The following EPB41L3 variants were observed in gnomAD, a reference collection of about 807,000 sequenced individuals.
EPB41L3 encodes the protein erythrocyte membrane protein band 4.1 like 3.
A neutral mutation model predicts 127.1 loss-of-function variants in EPB41L3; 57 were observed. That is an observed-to-expected ratio of 0.45 (90% CI 0.36 to 0.56). The LOEUF is 0.56. Ranked by LOEUF, EPB41L3 falls within the 20% of genes least tolerant of loss-of-function variation. The pLI is 0.00. For synonymous variants in EPB41L3, 572 were observed against 549.5 expected, an observed-to-expected ratio of 1.04 and a Z score of -0.57; for missense variants, 1,273 against 1,372.2, an observed-to-expected ratio of 0.93 and a Z score of 1.14.
chr18:5,594,577 T>C (rs528581776), intron 3 of EPB41L3, among the ~76,000 whole-genome samples: 1 of 152,334 alleles, frequency 6.6e-6, no homozygotes, highest in South Asian at 2.1e-4. Flanking sequence ...TCACCCTAAA[T>C]TCCTAAGATT....
At chr18:5,545,291 T>G (rs1285391358), upstream of EPB41L3, among the ~76,000 whole-genome samples, 1 of 151,898 alleles carries the variant, frequency 6.6e-6, no homozygotes, top group Non-Finnish European at 1.5e-5. Flanking sequence ...GGGAAAAAAA[T>G]GGATTCACAA....
At chr18:5,492,881 C>A (rs976444511) in intron 1 of EPB41L3, among the ~76,000 whole-genome samples, 2 of 151,934 alleles carry the variant, frequency 1.3e-5, no homozygotes, top group Non-Finnish European at 2.9e-5. Context: ...TTCAATATCC[C>A]TCTCTCAGGA....
chr18:5,412,485 T>C (rs2076317648), intron 13 of EPB41L3, among the ~76,000 whole-genome samples: 1 of 152,158 alleles, frequency 6.6e-6, no homozygotes, highest in South Asian at 2.1e-4. Context: ...CTCGGCCCCC[T>C]AAAGTATTGG....
At chr18:5,544,553 T>G (rs1398386245), upstream of EPB41L3, among the ~76,000 whole-genome samples, 1 of 152,180 alleles carries the variant, frequency 6.6e-6, no homozygotes, top group African/African-American at 2.4e-5. Flanking sequence ...CCAGTATCTA[T>G]AAAGCTTTCC....
At chr18:5,613,912 G>C (rs1290700929) in intron 2 of EPB41L3, among the ~76,000 whole-genome samples, 1 of 152,102 alleles carries the variant, frequency 6.6e-6, no homozygotes, top group Non-Finnish European at 1.5e-5. Flanking sequence ...TATCAAAAAC[G>C]TTCTCAGTTG....
intron 3 of EPB41L3, among the ~76,000 whole-genome samples, chr18:5,566,128 G>A (rs185114180): frequency 6.6e-6 from 1 of 152,250 alleles, no homozygotes; most frequent in South Asian, 2.1e-4. Flanking sequence ...AATCAGGCAG[G>A]AGAAGGAAAT....
chr18:5,581,117 C>A (rs1235266207), intron 3 of EPB41L3, among the ~76,000 whole-genome samples: 3 of 152,136 alleles, frequency 2.0e-5, no homozygotes. Flanking sequence ...TCCACCAAGT[C>A]TTTGTGGTGT....
intron 3 of EPB41L3, among the ~76,000 whole-genome samples, chr18:5,592,405 T>C (rs2094494411): frequency 6.6e-6 from 1 of 152,152 alleles, no homozygotes; most frequent in African/African-American, 2.4e-5. Context: ...GACCTCATGA[T>C]CCACCTGCCT....
upstream of EPB41L3, among the ~76,000 whole-genome samples, chr18:5,544,718 T>A (rs1428914506): frequency 6.6e-6 from 1 of 152,178 alleles, no homozygotes; most frequent in East Asian, 1.9e-4. Flanking sequence ...ATAGAGTGAA[T>A]AAGACATAGC....
intron 3 of EPB41L3, among the ~76,000 whole-genome samples, chr18:5,564,945 C>G (rs534431945): frequency 6.6e-6 from 1 of 152,114 alleles, no homozygotes; most frequent in Admixed American, 6.6e-5. Context: ...TGTAGGGCAA[C>G]TAAATTCATA....
intron 18 of EPB41L3, 95 bp from the exon 19 acceptor site, chr18:5,396,427 T>G: frequency 7.0e-7 from 1 of 1,419,922 alleles, no homozygotes; most frequent in Non-Finnish European, 9.7e-7. Context: ...AAGCACAGGT[T>G]AGTATGCTAT....
rs2093800210 is a variant in EPB41L3, at chr18:5,543,379, G to A, written c.-12+534C>T. ...GACGAGCCCGCTGCCGCCGCGCGCT[G>A]AGCGCAGGGCCCCTCCCGCGGCCCG... On this transcript the variant is annotated intron_variant, in intron 1 of 22. Transcript: ENST00000341928. The surrounding 1 kb of genome is among the most constrained non-coding windows in gnomAD (Gnocchi z 5.2). The A allele has an allele frequency of 6.8e-6, 1 of 147,830 alleles. No homozygotes were observed. The highest frequency in any genetic ancestry group is 1.5e-5 in the Non-Finnish European group (1 of 66,408). 9.2% of individuals were successfully genotyped at this position (147,830 alleles called of 1,614,324 possible).
At chr18:5,581,418 T>C (rs1386905154) in intron 3 of EPB41L3, among the ~76,000 whole-genome samples, 1 of 152,210 alleles carries the variant, frequency 6.6e-6, no homozygotes, top group African/African-American at 2.4e-5. Context: ...TACTAGAGAC[T>C]CTAGAGAATA....
intron 1 of EPB41L3, among the ~76,000 whole-genome samples, chr18:5,499,944 T>C (rs1203689877): frequency 6.6e-6 from 1 of 151,846 alleles, no homozygotes; most frequent in Non-Finnish European, 1.5e-5. Context: ...CATTTATTCC[T>C]GGGAAACAAA....
intron 1 of EPB41L3, among the ~76,000 whole-genome samples, chr18:5,534,889 G>A (rs536375215): frequency 1.3e-5 from 2 of 152,192 alleles, no homozygotes; most frequent in Admixed American, 1.3e-4. Flanking sequence ...TCCTCCCACA[G>A]TTACCTAGCT....
chr18:5,578,187 T>G (rs935419718), intron 3 of EPB41L3, among the ~76,000 whole-genome samples: 6 of 152,192 alleles, frequency 3.9e-5, no homozygotes, highest in Non-Finnish European at 8.8e-5. Context: ...ATGCCAGCAC[T>G]TACAGTTCCA....
At chr18:5,417,521 T>C (rs2076973312) in intron 12 of EPB41L3, among the ~76,000 whole-genome samples, 1 of 151,972 alleles carries the variant, frequency 6.6e-6, no homozygotes, top group Non-Finnish European at 1.5e-5. Context: ...ATTAGACTTC[T>C]GCTGATGTCT....
intron 1 of EPB41L3, among the ~76,000 whole-genome samples, chr18:5,494,550 G>A (rs902259294): frequency 2.0e-5 from 3 of 152,014 alleles, no homozygotes; most frequent in Admixed American, 6.6e-5. Context: ...CCACCTACTC[G>A]GGAGGCTGAG....
At chr18:5,459,568 T>A (rs993192354) in intron 3 of EPB41L3, among the ~76,000 whole-genome samples, 3 of 152,206 alleles carry the variant, frequency 2.0e-5, no homozygotes, top group Admixed American at 2.0e-4. Flanking sequence ...TATTTTTAAA[T>A]CTTTCATTAA....
Sources: allele counts gnomAD v4.1 joint callset (sites outside exome capture counted in the v4.1 genomes callset), GRCh38; gene constraint gnomAD v4.1.1; non-coding constraint Gnocchi (gnomAD v3.1); transcripts MANE v1.5; gene names NCBI Gene and HGNC (gene_info 2026-07-23, HGNC 2026-07-21).